SNTG1: variants seen among roughly 807,000 people sequenced by gnomAD.
SNTG1 encodes syntrophin gamma 1, also known as gamma-1-syntrophin.
A neutral mutation model predicts 74.7 loss-of-function variants in SNTG1; 39 were observed. The observed-to-expected ratio is 0.52, with a 90% CI of 0.40 to 0.68. SNTG1 has a LOEUF of 0.68. SNTG1 is among the 30% of genes least tolerant of loss of function. The pLI is 0.00. For missense variants in SNTG1, 685 were observed against 609.5 expected, an observed-to-expected ratio of 1.12 and a Z score of -1.30; for synonymous variants, 254 against 217.1, an observed-to-expected ratio of 1.17 and a Z score of -1.49.
chr8:50,337,885 C>T (rs2091194924), intron 2 of SNTG1, among the ~76,000 whole-genome samples: 1 of 152,218 alleles, frequency 6.6e-6, no homozygotes, highest in African/African-American at 2.4e-5. Context: ...GCCTGTAATC[C>T]CAGCACTTTG....
rs2093327809 is a variant in SNTG1, at chr8:50,438,525, A to T, written c.163-18A>T. The T allele has an allele frequency of 4.3e-6, 7 of 1,610,844 alleles. No individual in the cohort carries two copies. The highest frequency in any genetic ancestry group is 1.7e-4 in the Middle Eastern group (1 of 6,052). ...GTATTAGGAAACACTAACCATTCTT[A>T]AAAATCCTGTCTTTCAGGAAAGAAC... On this transcript the variant is annotated intron_variant, in intron 4 of 18. Transcript: ENST00000642720.
intron 13 of SNTG1, among the ~76,000 whole-genome samples, chr8:50,601,962 A>G (rs1204382007): frequency 6.6e-6 from 1 of 152,116 alleles, no homozygotes; most frequent in African/African-American, 2.4e-5. Flanking sequence ...TTCAATTAGC[A>G]TGGAATATCT....
intron 13 of SNTG1, among the ~76,000 whole-genome samples, chr8:50,636,729 G>A (rs980431369): frequency 6.6e-6 from 1 of 152,022 alleles, no homozygotes; most frequent in Admixed American, 6.6e-5. Context: ...TTAAAATCAG[G>A]TACTGTGTTT....
intron 1 of SNTG1, among the ~76,000 whole-genome samples, chr8:49,925,067 T>A (rs1181166711): frequency 6.6e-6 from 1 of 151,938 alleles, no homozygotes; most frequent in African/African-American, 2.4e-5. Context: ...GCAGGAGAAT[T>A]GCTTGAGCCC....
chr8:50,628,900 C>T (rs1356713454), intron 13 of SNTG1, among the ~76,000 whole-genome samples: 2 of 152,114 alleles, frequency 1.3e-5, no homozygotes, highest in African/African-American at 4.8e-5. Flanking sequence ...CCAGAATATT[C>T]CTGCATACCC....
chr8:50,372,391 T>A (rs2092289780), intron 2 of SNTG1, among the ~76,000 whole-genome samples: 4 of 152,032 alleles, frequency 2.6e-5, no homozygotes, highest in Admixed American at 2.6e-4. Flanking sequence ...CTCCTTTACA[T>A]CTCTTCCTGT....
intron 5 of SNTG1, among the ~76,000 whole-genome samples, chr8:50,443,067 A>G (rs1451600875): frequency 6.6e-6 from 1 of 152,190 alleles, no homozygotes; most frequent in Non-Finnish European, 1.5e-5. Flanking sequence ...TTCCTCAACT[A>G]CATCTGCAGA....
intron 2 of SNTG1, among the ~76,000 whole-genome samples, chr8:50,361,762 A>T (rs190787325): frequency 1.4e-3 from 217 of 152,248 alleles, no homozygotes; most frequent in Middle Eastern, 0.014. Context: ...GCTATTACAC[A>T]TCTAGGCTAC....
chr8:50,498,586 A>G (rs1212515697), intron 8 of SNTG1, among the ~76,000 whole-genome samples: 1 of 151,896 alleles, frequency 6.6e-6, no homozygotes, highest in African/African-American at 2.4e-5. Context: ...GAATGGTTCA[A>G]TTTTGATTAC....
intron 1 of SNTG1, among the ~76,000 whole-genome samples, chr8:49,939,875 C>T (rs542441239): frequency 1.7e-4 from 26 of 152,024 alleles, no homozygotes; most frequent in Admixed American, 3.3e-4. Flanking sequence ...TCTAGCAGGC[C>T]GAGAGCATCT....
At chr8:50,587,510 T>G (rs1002267571) in intron 12 of SNTG1, among the ~76,000 whole-genome samples, 2 of 152,160 alleles carry the variant, frequency 1.3e-5, no homozygotes, top group African/African-American at 4.8e-5. Flanking sequence ...TGTGTATATT[T>G]AAAAATGTTA....
intron 3 of SNTG1, among the ~76,000 whole-genome samples, chr8:50,395,376 T>G (rs931986180): frequency 4.6e-5 from 7 of 152,136 alleles, no homozygotes; most frequent in Non-Finnish European, 2.9e-5. Flanking sequence ...TGTGCTACAC[T>G]GAATACTATA....
chr8:50,541,500 T>A (rs2094346613), intron 11 of SNTG1, among the ~76,000 whole-genome samples: 1 of 152,236 alleles, frequency 6.6e-6, no homozygotes, highest in Non-Finnish European at 1.5e-5. Context: ...GAACATTATA[T>A]ATGATACTAT....
chr8:50,566,967 T>C (rs954950635), intron 12 of SNTG1, among the ~76,000 whole-genome samples: 3 of 152,046 alleles, frequency 2.0e-5, no homozygotes, highest in Admixed American at 6.6e-5. Flanking sequence ...TTCTTTCCAG[T>C]TGAATTCTAA....
In SNTG1 at chr8:50,708,886, T is replaced by C. The variant is rs758486318; in HGVS notation, c.1192T>C (p.Cys398Arg). 1 of 1,608,634 alleles carries C rather than the reference T, an allele frequency of 6.2e-7. No individual in the cohort carries two copies. The highest frequency in any genetic ancestry group is 1.7e-5 in the Admixed American group (1 of 60,020). The change falls in exon 17 of 19, where the codon TGC (cysteine) becomes CGC (arginine). Residue 398 changes from cysteine to arginine, a missense_variant and splice_region_variant. Physicochemically the swap from Cys to Arg is radical, Grantham distance 180. Coordinates refer to ENST00000642720, the MANE Select transcript of SNTG1 (RefSeq NM_018967.5). ...ATFLEVERIQ[C>R]KTYACVLESH... is the part of the protein sequence containing the mutation. Reference sequence around the variant, plus strand: ...TAACAATACTTTCTGTTCTACCTAGTGCAAGACCTATGCATGTGTGCTAGA... The same window carrying C: ...TAACAATACTTTCTGTTCTACCTAGCGCAAGACCTATGCATGTGTGCTAGA...
intron 2 of SNTG1, among the ~76,000 whole-genome samples, chr8:50,306,303 A>G (rs1184264320): frequency 6.6e-6 from 1 of 151,958 alleles, no homozygotes; most frequent in African/African-American, 2.4e-5. Flanking sequence ...TGATTGATGG[A>G]CACTGGGGTT....
At chr8:50,426,031 T>C (rs908553233) in intron 4 of SNTG1, among the ~76,000 whole-genome samples, 2 of 152,040 alleles carry the variant, frequency 1.3e-5, no homozygotes, top group African/African-American at 4.8e-5. Flanking sequence ...ACAGAAAAAA[T>C]TGCAAAAATA....
chr8:50,093,106 A>C (rs77359886), intron 1 of SNTG1, among the ~76,000 whole-genome samples: 2,246 of 152,146 alleles, frequency 0.015, 56 homozygotes, highest in African/African-American at 0.048. Flanking sequence ...GATGAGATTC[A>C]TATGTGGGTG....
intron 2 of SNTG1, among the ~76,000 whole-genome samples, chr8:50,273,259 C>T (rs532462831): frequency 6.6e-6 from 1 of 152,066 alleles, no homozygotes; most frequent in Non-Finnish European, 1.5e-5. Flanking sequence ...AAGTTTCATA[C>T]TAAGAGCCTC....
Sources: gnomAD v4.1 joint callset for allele counts (sites outside exome capture counted in the v4.1 genomes callset) on GRCh38, gnomAD v4.1.1 for gene constraint, MANE v1.5 for transcripts, NCBI Gene and HGNC (gene_info 2026-07-23, HGNC 2026-07-21) for gene names.